NALCN: variants seen among roughly 807,000 people sequenced by gnomAD.
NALCN encodes sodium leak channel NALCN.
Under a neutral mutation model 225.3 loss-of-function variants are expected in NALCN, and 111 were observed. That is an observed-to-expected ratio of 0.49 (90% CI 0.42 to 0.58). The LOEUF is 0.58. Ranked by LOEUF, NALCN falls within the 20% of genes least tolerant of loss-of-function variation. The pLI is 0.00. For synonymous variants in NALCN, 764 were observed against 769.0 expected (o/e 0.99, Z 0.11); for missense variants, 1,378 against 2,202.4 (o/e 0.63, Z 7.49).
chr13:101,338,949 C>G (rs763314566), intron 7 of NALCN, among the ~76,000 whole-genome samples: 1 of 152,210 alleles, frequency 6.6e-6, no homozygotes. Flanking sequence ...CTCTCAGATC[C>G]CCACCTGTGT....
At chr13:101,065,586 G>A (rs1374083120) in intron 39 of NALCN, 25 bp from the exon 40 acceptor site, 3 of 1,608,446 alleles carry the variant, frequency 1.9e-6, no homozygotes, top group African/African-American at 1.3e-5. Context: ...ACAAGAAGTA[G>A]CAAATCATCA....
At chr13:101,248,260 T>G (rs2041959412) in intron 11 of NALCN, among the ~76,000 whole-genome samples, 1 of 152,054 alleles carries the variant, frequency 6.6e-6, no homozygotes, top group Non-Finnish European at 1.5e-5. Flanking sequence ...GAGGAGAAAT[T>G]TAAAAAACAA....
intron 13 of NALCN, among the ~76,000 whole-genome samples, chr13:101,227,957 TC>T (rs764657504): frequency 2.6e-5 from 4 of 152,206 alleles, no homozygotes; most frequent in Non-Finnish European, 4.4e-5. Context: ...AGTCACCTGT[TC>T]CCATAAGCCT....
In NALCN at chr13:101,229,534, A is replaced by G. The variant is rs1252016560; in HGVS notation, c.1485T>C (p.Phe495=). ...LIKISPALED[F]VYKIFGPGKK... is the part of the protein sequence containing the mutation. ...TTCCAGGACCAAATATCTTGTACAC[A>G]AAGTCTTCTAATGCAGGTGAAATCT... The change falls in exon 13 of 44, where the codon TTT becomes TTC. Residue 495 remains phenylalanine, a synonymous_variant. Coordinates refer to ENST00000251127, the MANE Select transcript of NALCN (RefSeq NM_052867.4). 3 of 1,610,192 alleles carry G rather than the reference A, an allele frequency of 1.9e-6. No individual in the cohort carries two copies. The highest frequency in any genetic ancestry group is 3.4e-5 in the Admixed American group (2 of 59,064).
chr13:101,255,956 C>A (rs1392964486), intron 11 of NALCN, among the ~76,000 whole-genome samples: 1 of 152,170 alleles, frequency 6.6e-6, no homozygotes. Context: ...TTCTGTCAAT[C>A]TGTTCATCAG....
intron 10 of NALCN, among the ~76,000 whole-genome samples, chr13:101,271,771 G>GCGTGTGTATGCATGTCTGT (rs2042785871): frequency 6.6e-6 from 1 of 151,726 alleles, no homozygotes; most frequent in South Asian, 2.1e-4. Context: ...GTGTGTATAA[G>GCGTGTGTATGCATGTCTGT]CGTGTGTATG....
At chr13:101,308,194 AG>A (rs1355914671) in intron 7 of NALCN, among the ~76,000 whole-genome samples, 1 of 152,196 alleles carries the variant, frequency 6.6e-6, no homozygotes. Flanking sequence ...TTAAGCCTGT[AG>A]TAGATATTGC....
chr13:101,122,870 T>C (rs753521938), intron 18 of NALCN, among the ~76,000 whole-genome samples: 1 of 152,206 alleles, frequency 6.6e-6, no homozygotes, highest in Non-Finnish European at 1.5e-5. Flanking sequence ...AAGTTATCCA[T>C]AAAACTGTCA....
At chr13:101,327,264 A>T (rs2044991380) in intron 7 of NALCN, among the ~76,000 whole-genome samples, 1 of 152,146 alleles carries the variant, frequency 6.6e-6, no homozygotes, top group Non-Finnish European at 1.5e-5. Flanking sequence ...TATTTTAACA[A>T]ATGATAGTTT....
intron 11 of NALCN, among the ~76,000 whole-genome samples, chr13:101,254,410 C>CA (rs1217773829): frequency 3.3e-5 from 4 of 121,498 alleles, no homozygotes; most frequent in South Asian, 5.6e-4. Context: ...AAAACAACAA[C>CA]AAAAAAACCC....
chr13:101,060,572 TGA>T (rs2031827444), intron 41 of NALCN, among the ~76,000 whole-genome samples: 1 of 151,254 alleles, frequency 6.6e-6, no homozygotes, highest in East Asian at 2.0e-4. Flanking sequence ...ATTACAGGCA[TGA>T]GACACTGTGC....
intron 17 of NALCN, among the ~76,000 whole-genome samples, chr13:101,130,436 T>G (rs2036462170): frequency 6.6e-6 from 1 of 152,254 alleles, no homozygotes; most frequent in African/African-American, 2.4e-5. Context: ...CATATGAATG[T>G]GAATTTTTAT....
intron 1 of NALCN, among the ~76,000 whole-genome samples, chr13:101,411,412 G>A (rs908551957): frequency 7.4e-5 from 11 of 149,132 alleles, no homozygotes; most frequent in African/African-American, 2.5e-4. Context: ...GCGTGATCTC[G>A]GCTCGCTGCA....
rs113231519 is a variant in NALCN, at chr13:101,337,734, G to A, written c.799+7532C>T. Among the ~76,000 whole-genome samples, 106 of 152,276 alleles carry A rather than the reference G, an allele frequency of 7.0e-4. 1 individual carries two copies. Among genetic ancestry groups the A allele is most frequent in the African/African-American group, 2.3e-3 (94 of 41,550 alleles). On this transcript the variant is annotated intron_variant, in intron 7 of 43. Coordinates refer to ENST00000251127, the MANE Select transcript of NALCN (RefSeq NM_052867.4). ...GATGTGTTTCTTCCATCATCATAAT[G>A]AGACTTTATAATGGACCAGGTGTCC...
intron 10 of NALCN, among the ~76,000 whole-genome samples, chr13:101,267,500 T>C (rs1381966068): frequency 6.6e-6 from 1 of 152,200 alleles, no homozygotes; most frequent in Non-Finnish European, 1.5e-5. Flanking sequence ...GACTCAGCCA[T>C]GTGACTTATT....
At chr13:101,081,341 G>T (rs2033637358) in intron 34 of NALCN, among the ~76,000 whole-genome samples, 186 bp downstream of exon 34, 1 of 152,148 alleles carries the variant, frequency 6.6e-6, no homozygotes, top group African/African-American at 2.4e-5. Flanking sequence ...TGAAGAGTGT[G>T]GGGGTGTGTA....
In NALCN at chr13:101,247,644, A is replaced by T. The variant is rs545960897; in HGVS notation, c.1267-9722T>A. Among the ~76,000 whole-genome samples the T allele has an allele frequency of 4.5e-3, 691 of 152,250 alleles. 2 individuals are homozygous for T. Among genetic ancestry groups the T allele is most frequent in the Middle Eastern group, 0.02 (6 of 294 alleles). On this transcript the variant is annotated intron_variant, in intron 11 of 43. Transcript: ENST00000251127. Reference sequence around the variant, plus strand: ...GTTGTTTTCATTATTTTATTTTTTTAAATTAAATTCAATTAAATTTAAAGT... The same window carrying T: ...GTTGTTTTCATTATTTTATTTTTTTTAATTAAATTCAATTAAATTTAAAGT...
intron 6 of NALCN, among the ~76,000 whole-genome samples, chr13:101,371,380 G>A (rs760557721): frequency 1.3e-5 from 2 of 151,992 alleles, no homozygotes; most frequent in Non-Finnish European, 2.9e-5. Flanking sequence ...GTGCAGTGAC[G>A]CAATCATAGC....
At chr13:101,088,954 G>A (rs2034072877) in intron 30 of NALCN, among the ~76,000 whole-genome samples, 1 of 149,200 alleles carries the variant, frequency 6.7e-6, no homozygotes, top group African/African-American at 2.5e-5. Flanking sequence ...GCTGGATGCA[G>A]TGGTGTGATC....
Sources: gnomAD v4.1 joint callset for allele counts (sites outside exome capture counted in the v4.1 genomes callset) on GRCh38, gnomAD v4.1.1 for gene constraint, MANE v1.5 for transcripts, NCBI Gene and HGNC (gene_info 2026-07-23, HGNC 2026-07-21) for gene names.